Variants in RUNDC3B observed in about 807,000 individuals in gnomAD.
RUNDC3B encodes RUN domain containing 3B, also known as RUN domain-containing protein 3B.
RUNDC3B carries 33 observed loss-of-function variants against 58.4 expected under a neutral mutation model. The ratio of observed to expected loss-of-function variants is 0.56; its 90% CI spans 0.43 to 0.75. RUNDC3B has a LOEUF of 0.75. RUNDC3B is among the 30% of genes least tolerant of loss of function. The pLI is 0.00. For missense variants in RUNDC3B, 501 were observed against 535.7 expected (o/e 0.94, Z 0.64); for synonymous variants, 193 against 195.2 (o/e 0.99, Z 0.10).
chr7:87,823,531 A>G (rs903742739), intron 10 of RUNDC3B, among the ~76,000 whole-genome samples: 2 of 151,950 alleles, frequency 1.3e-5, no homozygotes, highest in African/African-American at 2.4e-5. Context: ...TGAGCAGTAT[A>G]CACTGCACCC....
chr7:87,741,780 C>T (rs1832338295), intron 6 of RUNDC3B, among the ~76,000 whole-genome samples: 1 of 152,052 alleles, frequency 6.6e-6, no homozygotes, highest in Non-Finnish European at 1.5e-5. Context: ...CACTTTTTAA[C>T]ATAATTGTAA....
chr7:87,818,959 TAGG>T (rs1356362447), intron 10 of RUNDC3B, among the ~76,000 whole-genome samples: 4 of 152,158 alleles, frequency 2.6e-5, no homozygotes, highest in Non-Finnish European at 4.4e-5. Context: ...GGCACACTGA[TAGG>T]AGGTACTTCC....
At chr7:87,760,452 T>G (rs1263697929) in intron 6 of RUNDC3B, among the ~76,000 whole-genome samples, 1 of 152,090 alleles carries the variant, frequency 6.6e-6, no homozygotes, top group Admixed American at 6.6e-5. Context: ...ATTCCAACAT[T>G]CTTTTTTGTT....
At chr7:87,646,921 G>A (rs1188363261) in intron 1 of RUNDC3B, among the ~76,000 whole-genome samples, 1 of 152,074 alleles carries the variant, frequency 6.6e-6, no homozygotes. Flanking sequence ...CTTTATCAGT[G>A]TTACTTCCTA....
chr7:87,693,897 T>C, intron 2 of RUNDC3B: 1 of 1,607,240 alleles, frequency 6.2e-7, no homozygotes, highest in Non-Finnish European at 8.5e-7. Flanking sequence ...GTTGTTATTT[T>C]TTTTTTAAAG....
intron 4 of RUNDC3B, among the ~76,000 whole-genome samples, chr7:87,724,985 T>C (rs1831131204): frequency 6.6e-6 from 1 of 152,126 alleles, no homozygotes; most frequent in Non-Finnish European, 1.5e-5. Context: ...AATTTTCATA[T>C]CAATAAAAAA....
In RUNDC3B at chr7:87,830,266, T is replaced by TA. The variant is rs985325439; in HGVS notation, c.*249dup. 16,343 of 223,782 alleles carry TA rather than the reference T, an allele frequency of 0.073. No individual in the cohort carries two copies. The highest frequency in any genetic ancestry group is 0.13 in the Middle Eastern group (91 of 686). 13.9% of individuals were successfully genotyped at this position (223,782 alleles called of 1,614,324 possible). On this transcript the variant is annotated 3_prime_UTR_variant, in exon 11 of 11. Transcript: ENST00000394654. ...AGAAAGTTCAAAATGGAATAGGCTT[T>TA]AAAAAAAAAAAAACTTTCAAAGATC...
At chr7:87,709,892 G>A (rs921376006) in intron 3 of RUNDC3B, among the ~76,000 whole-genome samples, 3 of 152,194 alleles carry the variant, frequency 2.0e-5, no homozygotes, top group African/African-American at 4.8e-5. Context: ...TAGAAAGTCC[G>A]TAAGAAAATT....
chr7:87,760,803 C>T (rs912632799), intron 6 of RUNDC3B, among the ~76,000 whole-genome samples: 4 of 151,932 alleles, frequency 2.6e-5, no homozygotes, highest in African/African-American at 9.7e-5. Flanking sequence ...AGACCTTAAC[C>T]TCATATGAAA....
chr7:87,756,518 A>G (rs776900822), intron 6 of RUNDC3B, among the ~76,000 whole-genome samples: 1 of 152,108 alleles, frequency 6.6e-6, no homozygotes, highest in African/African-American at 2.4e-5. Context: ...CATTTAGATT[A>G]TTATAGGCCT....
intron 6 of RUNDC3B, among the ~76,000 whole-genome samples, chr7:87,766,375 G>T (rs1319442648): frequency 2.0e-5 from 3 of 152,096 alleles, no homozygotes; most frequent in African/African-American, 7.2e-5. Context: ...ATTTATGATG[G>T]TGAGTATCGT....
chr7:87,675,653 C>CAAAAAAAAAAAAAAAAAAAGAA (rs1826268571), intron 2 of RUNDC3B, among the ~76,000 whole-genome samples: 1 of 65,852 alleles, frequency 1.5e-5, no homozygotes, highest in Admixed American at 1.2e-4. Flanking sequence ...TATTCACATG[C>CAAAAAAAAAAAAAAAAAAAGAA]AAAAAAAAAA....
chr7:87,757,235 C>G (rs1163946067), intron 6 of RUNDC3B, among the ~76,000 whole-genome samples: 1 of 152,002 alleles, frequency 6.6e-6, no homozygotes, highest in Non-Finnish European at 1.5e-5. Flanking sequence ...AAGAATGTAC[C>G]TTACCTCCTA....
chr7:87,783,307 G>A (rs182672790), intron 8 of RUNDC3B, among the ~76,000 whole-genome samples: 6 of 152,060 alleles, frequency 3.9e-5, no homozygotes, highest in African/African-American at 9.6e-5. Context: ...TGCTTTATCC[G>A]ATATAAGAAT....
At chr7:87,639,277 T>C (rs535915017) in intron 1 of RUNDC3B, among the ~76,000 whole-genome samples, 2 of 152,226 alleles carry the variant, frequency 1.3e-5, no homozygotes, top group African/African-American at 4.8e-5. Context: ...CTGAAAGATT[T>C]TGAGCTTTTG....
intron 4 of RUNDC3B, among the ~76,000 whole-genome samples, chr7:87,712,260 AT>A (rs1277103181): frequency 6.6e-6 from 1 of 152,118 alleles, no homozygotes; most frequent in Non-Finnish European, 1.5e-5. Flanking sequence ...CACTCGAGAT[AT>A]TTCTAAAGAT....
At chr7:87,677,272 A>G (rs1049522902) in intron 2 of RUNDC3B, among the ~76,000 whole-genome samples, 22 of 144,870 alleles carry the variant, frequency 1.5e-4, no homozygotes, top group Non-Finnish European at 3.2e-4. Context: ...TACAGTGTAT[A>G]TAACACACAC....
At chr7:87,763,018 A>G (rs117994924) in intron 6 of RUNDC3B, among the ~76,000 whole-genome samples, 25 of 151,304 alleles carry the variant, frequency 1.7e-4, no homozygotes, top group Non-Finnish European at 3.0e-4. Context: ...TATATCCTTT[A>G]TTCTTTCTTG....
chr7:87,686,616 G>A (rs1280718057), intron 2 of RUNDC3B, among the ~76,000 whole-genome samples: 2 of 151,872 alleles, frequency 1.3e-5, no homozygotes, highest in African/African-American at 2.4e-5. Flanking sequence ...AGTGATTTTT[G>A]TAAAGTTTAT....
Sources: gnomAD v4.1 joint callset for allele counts (sites outside exome capture counted in the v4.1 genomes callset) on GRCh38, gnomAD v4.1.1 for gene constraint, MANE v1.5 for transcripts, NCBI Gene and HGNC (gene_info 2026-07-23, HGNC 2026-07-21) for gene names.